Variants in SH3GL3 observed in about 807,000 individuals in gnomAD.
SH3GL3 encodes endophilin-A3.
Under a neutral mutation model 47.7 loss-of-function variants are expected in SH3GL3, and 33 were observed. That is an observed-to-expected ratio of 0.69 (90% CI 0.52 to 0.92). The LOEUF (loss-of-function observed/expected upper bound fraction) is 0.92. Ranked by LOEUF, SH3GL3 falls within the 40% of genes least tolerant of loss-of-function variation. The pLI, the probability that SH3GL3 is intolerant of heterozygous loss-of-function variation, is 0.00. For synonymous variants in SH3GL3, 155 were observed against 148.8 expected, an observed-to-expected ratio of 1.04 and a Z score of -0.30; for missense variants, 363 against 417.8, an observed-to-expected ratio of 0.87 and a Z score of 1.14.
intron 1 of SH3GL3, among the ~76,000 whole-genome samples, chr15:83,479,445 C>G (rs568121529): frequency 2.6e-5 from 4 of 152,124 alleles, no homozygotes; most frequent in Admixed American, 1.3e-4. Context: ...TCAAGGTGCA[C>G]TATTAATCAA....
Position 83,606,245 on chromosome 15 carries a change from C to T in SH3GL3, c.839-11837C>T, listed in dbSNP as rs1195611817. ...TCTCCCAAATGGCTTGTATTAAGAC[C>T]TTCTAATTCTCTAGGTATAAAAGAG... On this transcript the variant is annotated intron_variant, in intron 8 of 8. Transcript: ENST00000427482. Among the ~76,000 whole-genome samples the T allele has an allele frequency of 2.6e-5, 4 of 152,228 alleles. No homozygotes were observed. In the East Asian group the frequency reaches 7.7e-4, roughly 29 times the overall value.
chr15:83,596,160 TC>T (rs1453536845), intron 8 of SH3GL3, among the ~76,000 whole-genome samples: 1 of 152,240 alleles, frequency 6.6e-6, no homozygotes, highest in Admixed American at 6.5e-5. Context: ...TTATATCATT[TC>T]CACATATGTG....
At position 83,579,489 on chromosome 15, in the gene SH3GL3, T is replaced by C. The variant is rs146474854; in HGVS notation, c.624+2748T>C. ...TGGGCCGCCCAGGCTGCCCGGGAAC[T>C]AGGCTCTTCCCTCCTTCCTGCTTCC... On this transcript the variant is annotated intron_variant, in intron 6 of 8. Coordinates refer to ENST00000427482, the MANE Select transcript of SH3GL3 (RefSeq NM_003027.5). Among the ~76,000 whole-genome samples, 579 of 152,298 alleles carry C rather than the reference T, an allele frequency of 3.8e-3. 4 individuals carry two copies. The highest frequency in any genetic ancestry group is 0.013 in the African/African-American group (526 of 41,568).
chr15:83,627,425 G>A, the SH3GL3 span, among the ~76,000 whole-genome samples: 6 of 151,688 alleles, frequency 4.0e-5, no homozygotes, highest in Non-Finnish European at 8.8e-5. Flanking sequence ...AAAAGAAAAG[G>A]GATGTTCTAC....
chr15:83,555,433 G>C (rs577068892), intron 1 of SH3GL3, among the ~76,000 whole-genome samples: 1 of 152,170 alleles, frequency 6.6e-6, no homozygotes, highest in Admixed American at 6.5e-5. Context: ...TTGGAATTTA[G>C]ATCTAGGATG....
chr15:83,466,150 A>G (rs1363221513), intron 1 of SH3GL3, among the ~76,000 whole-genome samples: 2 of 152,120 alleles, frequency 1.3e-5, no homozygotes, highest in East Asian at 1.9e-4. Context: ...ACCTTTTCTG[A>G]ATGGCTTAAA....
intron 1 of SH3GL3, among the ~76,000 whole-genome samples, chr15:83,472,914 C>G (rs1374778657): frequency 6.6e-6 from 1 of 152,168 alleles, no homozygotes; most frequent in African/African-American, 2.4e-5. Flanking sequence ...TCCTCTCAGA[C>G]TTCACTGACA....
At chr15:83,491,724 C>G (rs1420510428) in intron 1 of SH3GL3, among the ~76,000 whole-genome samples, 2 of 152,166 alleles carry the variant, frequency 1.3e-5, no homozygotes, top group Admixed American at 1.3e-4. Context: ...GCTGGCAAGG[C>G]CTTTGAGTCA....
In SH3GL3 at chr15:83,525,526, T is replaced by C. The variant is rs527546508; in HGVS notation, c.46-33727T>C. On this transcript the variant is annotated intron_variant, in intron 1 of 8. Transcript: ENST00000427482. Reference sequence around the variant, plus strand: ...GATGTGCAAAAACTTTTTACTTTAATATAGTTCTATTTGTTTAATTCTGTT... The same window carrying C: ...GATGTGCAAAAACTTTTTACTTTAACATAGTTCTATTTGTTTAATTCTGTT... Among the ~76,000 whole-genome samples the C allele has an allele frequency of 9.8e-5, 15 of 152,296 alleles. 1 individual carries two copies. The South Asian group carries it at 3.1e-3, about 32-fold the overall frequency.
At chr15:83,565,032 G>T (rs939810743) in intron 2 of SH3GL3, 102 bp from the exon 3 acceptor site, 1 of 561,762 alleles carries the variant, frequency 1.8e-6, no homozygotes, top group East Asian at 3.0e-5. Context: ...CATCATAATC[G>T]TGTTAGAAGA....
Position 83,448,335 on chromosome 15 carries a change from T to C in SH3GL3, c.45+757T>C, listed in dbSNP as rs1384380833. Among the ~76,000 whole-genome samples, 2 of 151,712 alleles carry C rather than the reference T, an allele frequency of 1.3e-5. No homozygotes were observed. Among genetic ancestry groups the C allele is most frequent in the East Asian group, 1.9e-4 (1 of 5,166 alleles). ...CTTCCCGGAGGAGGAGACATGTCATTTGAGAATTAAGTATGAGGAAGAATT... is the reference window on the plus strand; with the variant it reads ...CTTCCCGGAGGAGGAGACATGTCATCTGAGAATTAAGTATGAGGAAGAATT... On this transcript the variant is annotated intron_variant, in intron 1 of 8. Transcript: ENST00000427482. This position sits in a 1 kb window ranked among gnomAD's most constrained non-coding sequence, Gnocchi z 4.2.
chr15:83,527,741 C>T (rs77112838), intron 1 of SH3GL3, among the ~76,000 whole-genome samples: 1 of 152,098 alleles, frequency 6.6e-6, no homozygotes, highest in South Asian at 2.1e-4. Flanking sequence ...GACTTATTGT[C>T]ATAATTTTGT....
the SH3GL3 span, among the ~76,000 whole-genome samples, chr15:83,627,410 A>G: frequency 3.3e-5 from 5 of 151,816 alleles, no homozygotes; most frequent in African/African-American, 1.2e-4. Context: ...AAAAAAAAAA[A>G]AAAGAAAAGA....
intron 1 of SH3GL3, among the ~76,000 whole-genome samples, chr15:83,505,262 C>T (rs2042449618): frequency 6.6e-6 from 1 of 152,168 alleles, no homozygotes; most frequent in Admixed American, 6.5e-5. Context: ...GGCTAAAGGA[C>T]ATCGGCATCT....
At chr15:83,614,280 C>G (rs2060753740) in intron 8 of SH3GL3, among the ~76,000 whole-genome samples, 3 of 152,298 alleles carry the variant, frequency 2.0e-5, no homozygotes, top group Admixed American at 6.5e-5. Context: ...CCTTCCACCC[C>G]CTAGCTTTCA....
At chr15:83,629,265 C>T in the SH3GL3 span, among the ~76,000 whole-genome samples, 5 of 151,916 alleles carry the variant, frequency 3.3e-5, no homozygotes, top group African/African-American at 1.2e-4. Context: ...CTAGAATAGC[C>T]AAAACAAAGA....
chr15:83,590,325 G>A (rs2060062438), intron 8 of SH3GL3, among the ~76,000 whole-genome samples: 1 of 150,940 alleles, frequency 6.6e-6, no homozygotes, highest in Non-Finnish European at 1.5e-5. Context: ...TTTTGCTTGT[G>A]ACTTTACATT....
chr15:83,558,700 A>T (rs2045089530), intron 1 of SH3GL3, among the ~76,000 whole-genome samples: 1 of 152,138 alleles, frequency 6.6e-6, no homozygotes, highest in South Asian at 2.1e-4. Flanking sequence ...CTCATCCCAG[A>T]AGGCCTTTCC....
At chr15:83,477,512 G>A (rs1468136722) in intron 1 of SH3GL3, among the ~76,000 whole-genome samples, 2 of 152,084 alleles carry the variant, frequency 1.3e-5, no homozygotes, top group African/African-American at 4.8e-5. Context: ...GTGTTCTGAG[G>A]GAATTAATTG....
Sources: gnomAD v4.1 joint callset for allele counts (sites outside exome capture counted in the v4.1 genomes callset) on GRCh38, gnomAD v4.1.1 for gene constraint, Gnocchi (gnomAD v3.1) non-coding constraint, MANE v1.5 for transcripts, NCBI Gene and HGNC (gene_info 2026-07-23, HGNC 2026-07-21) for gene names.